GPT2: variants seen among roughly 807,000 people sequenced by gnomAD.
The protein encoded by GPT2 is glutamic--pyruvic transaminase 2.
Under a neutral mutation model 56.9 loss-of-function variants are expected in GPT2, and 30 were observed. The ratio of observed to expected loss-of-function variants is 0.53; its 90% CI spans 0.39 to 0.72. The LOEUF is 0.72. GPT2 is among the 30% of genes least tolerant of loss of function. GPT2 has a pLI of 0.00. For synonymous variants in GPT2, 271 were observed against 283.1 expected (o/e 0.96, Z 0.43); for missense variants, 542 against 703.4 (o/e 0.77, Z 2.60).
intron 5 of GPT2, 132 bp downstream of exon 5, chr16:46,907,107 G>T: frequency 1.8e-6 from 2 of 1,129,458 alleles, no homozygotes; most frequent in Non-Finnish European, 2.6e-6. Context: ...TGGTCCCCCA[G>T]CCCTGGCAGC....
At chr16:46,896,966 G>T (rs1567334353) in intron 2 of GPT2, among the ~76,000 whole-genome samples, 1 of 152,256 alleles carries the variant, frequency 6.6e-6, no homozygotes, top group Non-Finnish European at 1.5e-5. Context: ...GGGAGGCCAA[G>T]GCGGAGGATC....
chr16:46,895,953 T>G (rs1231269713), intron 2 of GPT2, among the ~76,000 whole-genome samples: 1 of 152,164 alleles, frequency 6.6e-6, no homozygotes, highest in African/African-American at 2.4e-5. Flanking sequence ...CAGAGTTATA[T>G]CTGTAAAATT....
At chr16:46,915,074 C>T (rs1961116258) in intron 6 of GPT2, among the ~76,000 whole-genome samples, 1 of 152,084 alleles carries the variant, frequency 6.6e-6, no homozygotes, top group Admixed American at 6.6e-5. Flanking sequence ...TAAGCCACCA[C>T]ACCTGGATAA....
At chr16:46,927,107 G>C in intron 11 of GPT2, 70 bp downstream of exon 11, 1 of 947,026 alleles carries the variant, frequency 1.1e-6, no homozygotes, top group South Asian at 1.7e-5. Context: ...TCTTGACATG[G>C]AGCAGAGGAC....
At position 46,931,129 on chromosome 16, in the gene GPT2, TG is replaced by T. The variant is rs1435819696; in HGVS notation, c.*2134del. ...ATCACCGGGCACCCAGAGGCTTGCC[TG>T]GCTATTCCTGTTCTGGTGTGTGTGG... On this transcript the variant is annotated 3_prime_UTR_variant, in exon 12 of 12. Transcript: ENST00000340124. 2.0e-5 allele frequency: 3 copies of T among 152,282 alleles called. No individual in the cohort carries two copies. The highest frequency in any genetic ancestry group is 7.2e-5 in the African/African-American group (3 of 41,466). The allele number at this position is 152,282 out of a possible 1,614,324, so 9.4% of individuals were successfully genotyped here.
At chr16:46,907,071 G>A in intron 5 of GPT2, 96 bp downstream of exon 5, 1 of 1,560,476 alleles carries the variant, frequency 6.4e-7, no homozygotes, top group Non-Finnish European at 8.8e-7. Flanking sequence ...CTAGCAGGGA[G>A]GGTGGCAGCA....
intron 3 of GPT2, among the ~76,000 whole-genome samples, chr16:46,899,012 T>TAACAC (rs1567335208): frequency 4.8e-4 from 1 of 2,080 alleles, no homozygotes; most frequent in African/African-American, 7.6e-4. Flanking sequence ...TATATATATA[T>TAACAC]ATATATATAT....
chr16:46,906,127 G>T (rs1960920061), intron 4 of GPT2, among the ~76,000 whole-genome samples: 1 of 152,032 alleles, frequency 6.6e-6, no homozygotes, highest in African/African-American at 2.4e-5. Context: ...AGGCTGGAGT[G>T]CAGTGGTGTC....
intron 7 of GPT2, 91 bp from the exon 8 acceptor site, chr16:46,918,530 C>T (rs1279635742): frequency 2.7e-6 from 4 of 1,469,462 alleles, no homozygotes; most frequent in African/African-American, 1.4e-5. Context: ...CCTCATGGCC[C>T]ACAGCACCTG....
intron 1 of GPT2, 62 bp from the exon 2 acceptor site, chr16:46,884,632 G>A: frequency 7.6e-7 from 1 of 1,315,658 alleles, no homozygotes; most frequent in Non-Finnish European, 9.7e-7. Context: ...GGCTTGTGTG[G>A]GGGAGTGCTG....
intron 6 of GPT2, among the ~76,000 whole-genome samples, chr16:46,912,158 G>C (rs886180888): frequency 6.6e-6 from 1 of 152,144 alleles, no homozygotes; most frequent in African/African-American, 2.4e-5. Context: ...TGTCAGAGTG[G>C]ACTGGGTTCT....
chr16:46,887,751 C>T (rs1244250558), intron 2 of GPT2, among the ~76,000 whole-genome samples: 1 of 152,086 alleles, frequency 6.6e-6, no homozygotes, highest in African/African-American at 2.4e-5. Context: ...CAATGTGGGC[C>T]GTTTGGCTGG....
chr16:46,924,030 G>A, intron 9 of GPT2: 1 of 366,650 alleles, frequency 2.7e-6, no homozygotes, highest in Non-Finnish European at 5.3e-6. Context: ...ACACCCCAGG[G>A]CACGTGGCAG....
intron 6 of GPT2, among the ~76,000 whole-genome samples, chr16:46,914,429 G>A (rs1412580163): frequency 2.6e-5 from 4 of 152,292 alleles, no homozygotes; most frequent in South Asian, 2.1e-4. Flanking sequence ...TCAGCTATTC[G>A]GGAAGGCTGA....
At chr16:46,923,967 A>G in intron 9 of GPT2, 2 of 322,562 alleles carry the variant, frequency 6.2e-6, no homozygotes, top group Non-Finnish European at 1.2e-5. Flanking sequence ...CCCATGACAC[A>G]GGCTGCTGGG....
In GPT2 at chr16:46,926,380, C is replaced by T. The variant is rs147910660; in HGVS notation, c.1369-545C>T. Among the ~76,000 whole-genome samples, 521 of 151,174 alleles carry T rather than the reference C, an allele frequency of 3.4e-3. 4 individuals are homozygous for T. Among genetic ancestry groups the T allele is most frequent in the African/African-American group, 0.012 (489 of 41,106 alleles). On this transcript the variant is annotated intron_variant, in intron 10 of 11. Coordinates refer to ENST00000340124, the MANE Select transcript of GPT2 (RefSeq NM_133443.4). ...AGGAGAATTGCTTGAACCCAGGAGG[C>T]GGAAGTAGTGGTGAGCTGAGATCAT...
At chr16:46,887,945 C>A (rs1339634880) in intron 2 of GPT2, among the ~76,000 whole-genome samples, 1 of 152,212 alleles carries the variant, frequency 6.6e-6, no homozygotes, top group Admixed American at 6.5e-5. Context: ...ACAGCAGCTC[C>A]AAAGGGGAGA....
intron 7 of GPT2, among the ~76,000 whole-genome samples, chr16:46,918,178 T>A (rs771020370): frequency 6.6e-6 from 1 of 151,448 alleles, no homozygotes; most frequent in Non-Finnish European, 1.5e-5. Flanking sequence ...GAGTGGGGGG[T>A]TAAGTGTTGC....
chr16:46,915,924 C>T (rs1040830929), intron 6 of GPT2: 13 of 151,850 alleles, frequency 8.6e-5, no homozygotes, highest in African/African-American at 3.2e-4. Flanking sequence ...ACCCACCACA[C>T]CTACACACAC....
Sources: gnomAD v4.1 joint callset for allele counts (sites outside exome capture counted in the v4.1 genomes callset) on GRCh38, gnomAD v4.1.1 for gene constraint, MANE v1.5 for transcripts, NCBI Gene and HGNC (gene_info 2026-07-23, HGNC 2026-07-21) for gene names.